TNNI3K: variants seen among roughly 807,000 people sequenced by gnomAD.
TNNI3K encodes TNNI3 interacting kinase.
In TNNI3K, 140 loss-of-function variants were observed where a neutral mutation model predicts 114.5. The ratio of observed to expected loss-of-function variants is 1.22; its 90% CI spans 1.07 to 1.41. The LOEUF (loss-of-function observed/expected upper bound fraction) is 1.41. Among genes scored for constraint, TNNI3K ranks in the 40% most tolerant of loss-of-function variants. TNNI3K has a pLI of 0.00. For synonymous variants in TNNI3K, 347 were observed against 347.5 expected (o/e 1.00, Z 0.02); for missense variants, 1,125 against 1,007.6 (o/e 1.12, Z -1.58).
intron 17 of TNNI3K, among the ~76,000 whole-genome samples, chr1:74,428,260 G>C (rs1395850713): frequency 6.6e-6 from 1 of 152,022 alleles, no homozygotes; most frequent in African/African-American, 2.4e-5. Flanking sequence ...TCTGTGTATT[G>C]CTATTCCTGG....
At chr1:74,332,115 A>G (rs1660234034) in intron 6 of TNNI3K, among the ~76,000 whole-genome samples, 1 of 152,104 alleles carries the variant, frequency 6.6e-6, no homozygotes, top group South Asian at 2.1e-4. Context: ...GTAATAATAT[A>G]TATAGAAACT....
At chr1:74,510,976 C>G (rs932565685) in intron 23 of TNNI3K, among the ~76,000 whole-genome samples, 1 of 152,206 alleles carries the variant, frequency 6.6e-6, no homozygotes, top group African/African-American at 2.4e-5. Context: ...CAACCTCTGC[C>G]TCCCAGGTTC....
chr1:74,347,470 T>A (rs1030251555), intron 9 of TNNI3K, among the ~76,000 whole-genome samples: 1 of 152,128 alleles, frequency 6.6e-6, no homozygotes, highest in African/African-American at 2.4e-5. Context: ...TACGTGTGCA[T>A]GTGTCTTTAT....
At chr1:74,484,531 G>A (rs1043263889) in intron 21 of TNNI3K, among the ~76,000 whole-genome samples, 4 of 152,124 alleles carry the variant, frequency 2.6e-5, no homozygotes, top group Admixed American at 6.6e-5. Context: ...GGAGAAGATC[G>A]CATTGACTCG....
At chr1:74,273,873 G>C (rs1257224608) in intron 5 of TNNI3K, among the ~76,000 whole-genome samples, 1 of 151,668 alleles carries the variant, frequency 6.6e-6, no homozygotes, top group African/African-American at 2.4e-5. Context: ...TTAAATTATT[G>C]ATCAAATAAT....
intron 5 of TNNI3K, among the ~76,000 whole-genome samples, chr1:74,287,782 G>T (rs948553853): frequency 6.6e-6 from 1 of 151,922 alleles, no homozygotes; most frequent in South Asian, 2.1e-4. Context: ...ACAATCAACA[G>T]AATAAAGAGA....
chr1:74,310,856 A>G (rs1005530524), intron 5 of TNNI3K, among the ~76,000 whole-genome samples: 1 of 152,146 alleles, frequency 6.6e-6, no homozygotes, highest in Non-Finnish European at 1.5e-5. Context: ...TATGTCTTCT[A>G]TCTTTTAGAT....
intron 5 of TNNI3K, among the ~76,000 whole-genome samples, chr1:74,287,309 T>C (rs1657393693): frequency 2.0e-5 from 3 of 151,994 alleles, no homozygotes; most frequent in South Asian, 2.1e-4. Context: ...TTGAAAGATA[T>C]CATGACAGAA....
chr1:74,383,413 A>G (rs1039553344), intron 17 of TNNI3K, among the ~76,000 whole-genome samples: 11 of 152,100 alleles, frequency 7.2e-5, no homozygotes, highest in South Asian at 2.1e-4. Flanking sequence ...TCCCTCAGAC[A>G]CAAACATTCG....
At chr1:74,542,606 A>G (rs1426854329) in intron 24 of TNNI3K, among the ~76,000 whole-genome samples, 2 of 152,184 alleles carry the variant, frequency 1.3e-5, no homozygotes, top group Non-Finnish European at 2.9e-5. Flanking sequence ...AAGAGAGTTT[A>G]TGTGCTACCT....
chr1:74,470,401 A>C (rs1667864897), intron 21 of TNNI3K: 1 of 400,456 alleles, frequency 2.5e-6, no homozygotes, highest in Non-Finnish European at 4.4e-6. Flanking sequence ...TTTTATCTCT[A>C]GTGCTTCAGT....
At chr1:74,407,029 C>A (rs1050723041) in intron 17 of TNNI3K, among the ~76,000 whole-genome samples, 2 of 152,174 alleles carry the variant, frequency 1.3e-5, no homozygotes, top group African/African-American at 4.8e-5. Context: ...AACAATAAAT[C>A]TGTTGTCAAT....
At position 74,370,407 on chromosome 1, in the gene TNNI3K, A is replaced by G. The variant is rs2100523166; in HGVS notation, c.1772+15A>G. 4 of 1,596,808 alleles carry G rather than the reference A, an allele frequency of 2.5e-6. No individual in the cohort carries two copies. The East Asian group carries it at 6.8e-5, about 27-fold the overall frequency. ...GACTTGAACAGGTATTTTTTTCCTA[A>G]ATAATGAACTCAGAAGGGTATGACT... is the stretch of plus-strand genomic sequence containing the variant. On this transcript the variant is annotated intron_variant, in intron 17 of 24. Transcript: ENST00000326637.
chr1:74,378,594 TTATA>T (rs58113455), intron 17 of TNNI3K: 1,783 of 77,274 alleles, frequency 0.023, 28 homozygotes, highest in African/African-American at 0.029. Flanking sequence ...CAGTTTAATT[TTATA>T]TATATATATA....
intron 5 of TNNI3K, among the ~76,000 whole-genome samples, chr1:74,317,234 C>G (rs1659364891): frequency 1.3e-5 from 2 of 152,126 alleles, no homozygotes; most frequent in Admixed American, 6.5e-5. Flanking sequence ...AAGAGAATCA[C>G]TGAGGAATTG....
In TNNI3K at chr1:74,409,492, C is replaced by CTTT. The variant is rs540218540; in HGVS notation, c.1773-26571_1773-26569dup. 1.2e-4 allele frequency among the ~76,000 whole-genome samples: 15 copies of CTTT among 124,906 alleles called. 1 individual carries two copies. Among genetic ancestry groups the CTTT allele is most frequent in the Non-Finnish European group, 1.3e-4 (8 of 59,814 alleles). The allele number at this position is 124,906 out of a possible 152,430, so 81.9% of individuals were successfully genotyped here. On this transcript the variant is annotated intron_variant, in intron 17 of 24. Coordinates refer to ENST00000326637, the MANE Select transcript of TNNI3K (RefSeq NM_015978.3). ...AAACTATTTTATTTTCTATTTGTTTCTTTTTTTTTTTTTTTTTTTGAGATG... is the reference window on the plus strand; with the variant it reads ...AAACTATTTTATTTTCTATTTGTTTCTTTTTTTTTTTTTTTTTTTTTTGAGATG...
Position 74,236,090 on chromosome 1 carries a change from C to G in TNNI3K, c.41-12C>G, listed in dbSNP as rs780321887. Reference sequence around the variant, plus strand: ...CAACTATGAATCAATCTCATTTGTTCTTCTTTACTAGATGAATGGAAGAAA... The same window carrying G: ...CAACTATGAATCAATCTCATTTGTTGTTCTTTACTAGATGAATGGAAGAAA... On this transcript the variant is annotated splice_polypyrimidine_tract_variant and intron_variant, in intron 1 of 24. Coordinates refer to ENST00000326637, the MANE Select transcript of TNNI3K (RefSeq NM_015978.3). 1 of 1,597,472 alleles carries G rather than the reference C, an allele frequency of 6.3e-7. No homozygotes were observed. The highest frequency in any genetic ancestry group is 8.5e-7 in the Non-Finnish European group (1 of 1,170,626).
At chr1:74,465,718 T>G (rs942868341) in intron 21 of TNNI3K, among the ~76,000 whole-genome samples, 3 of 152,196 alleles carry the variant, frequency 2.0e-5, no homozygotes, top group Admixed American at 1.3e-4. Context: ...CCAGCTGGGC[T>G]CCTGTGTGGG....
In TNNI3K at chr1:74,354,084, G is replaced by T; in HGVS notation, c.1132G>T (p.Gly378Cys). Residue 378 changes from glycine to cysteine, a missense_variant, in exon 11 of 25, where the codon GGT (glycine) becomes TGT (cysteine). Gly to Cys is a radical substitution (Grantham distance 159, BLOSUM62 -3). Coordinates refer to ENST00000326637, the MANE Select transcript of TNNI3K (RefSeq NM_015978.3). ...GGCTTGTGATCCCAGCAGGTCTAGT[G>T]GTGAAAAAGATGAGCAGACATGTTT... Reference protein sequence around the residue: ...LVACDPSRSSGEKDEQTCLMW... With the variant: ...LVACDPSRSSCEKDEQTCLMW... 6.2e-7 allele frequency: 1 copy of T among 1,613,992 alleles called. No homozygotes were observed. The highest frequency in any genetic ancestry group is 1.1e-5 in the South Asian group (1 of 91,068).
Sources: gnomAD v4.1 joint callset for allele counts (sites outside exome capture counted in the v4.1 genomes callset) on GRCh38, gnomAD v4.1.1 for gene constraint, MANE v1.5 for transcripts, NCBI Gene and HGNC (gene_info 2026-07-23, HGNC 2026-07-21) for gene names.